The following MAP4K4 variants were observed in gnomAD, a reference collection of about 807,000 sequenced individuals.
The protein encoded by MAP4K4 is mitogen-activated protein kinase kinase kinase kinase 4, also known as HPK/GCK-like kinase HGK.
Under a neutral mutation model 189.6 loss-of-function variants are expected in MAP4K4, and 38 were observed. That is an observed-to-expected ratio of 0.20 (90% CI 0.15 to 0.26). The LOEUF is 0.26. Among genes scored for constraint, MAP4K4 ranks in the 10% least tolerant of loss-of-function variants. MAP4K4 has a pLI of 1.00. For missense variants in MAP4K4, 1,054 were observed against 1,726.9 expected (o/e 0.61, Z 6.91); for synonymous variants, 610 against 624.3 (o/e 0.98, Z 0.34).
rs189340564 is a variant in MAP4K4, at chr2:101,888,358, T to C, written c.3931+421T>C. ...CTACAAACAGCCTTGTGCATACTTT[T>C]CTAGTTTGCATTCAGTAATAAAGAC... is the stretch of plus-strand genomic sequence containing the variant. On this transcript the variant is annotated intron_variant, in intron 31 of 32. Coordinates refer to ENST00000324219, the Ensembl canonical transcript of MAP4K4. Among the ~76,000 whole-genome samples the C allele has an allele frequency of 1.3e-4, 20 of 152,338 alleles. No individual in the cohort carries two copies. The East Asian group carries it at 3.9e-3, about 29-fold the overall frequency.
At chr2:101,718,303 C>G (rs949851117) in intron 2 of MAP4K4, among the ~76,000 whole-genome samples, 2 of 151,820 alleles carry the variant, frequency 1.3e-5, no homozygotes, top group African/African-American at 4.8e-5. Context: ...GGTCCACCAT[C>G]TCCTTTATGT....
chr2:101,831,924 A>C (rs2149430502), intron 7 of MAP4K4, 73 bp downstream of exon 7: 1 of 1,534,330 alleles, frequency 6.5e-7, no homozygotes, highest in East Asian at 2.3e-5. Context: ...TTGCTTATAA[A>C]TTGCACACCC....
chr2:101,798,482 C>A (rs947800479), intron 3 of MAP4K4, among the ~76,000 whole-genome samples: 1 of 152,162 alleles, frequency 6.6e-6, no homozygotes, highest in Non-Finnish European at 1.5e-5. Flanking sequence ...TGATGTTTTA[C>A]ATTTTTCATG....
chr2:101,742,330 A>G (rs1403517360), intron 2 of MAP4K4, among the ~76,000 whole-genome samples: 3 of 152,030 alleles, frequency 2.0e-5, no homozygotes, highest in African/African-American at 4.8e-5. Context: ...CTCATTGGTA[A>G]CCTACGGTGT....
Position 101,823,898 on chromosome 2 carries a change from C to A in MAP4K4, c.181-30C>A, listed in dbSNP as rs746570740. ...TAAAGTCATTCACATCGTTCAGTAG[C>A]CACACATTTTATTTTTATTTTTTCA... On this transcript the variant is annotated intron_variant, in intron 3 of 32. Coordinates refer to ENST00000324219, the Ensembl canonical transcript of MAP4K4. The A allele has an allele frequency of 5.1e-6, 8 of 1,566,502 alleles. No homozygotes were observed. The African/African-American group carries it at 6.8e-5, about 13-fold the overall frequency.
chr2:101,843,395 T>C (rs1290680112), intron 11 of MAP4K4, among the ~76,000 whole-genome samples: 2 of 152,188 alleles, frequency 1.3e-5, no homozygotes, highest in Non-Finnish European at 2.9e-5. Flanking sequence ...TTTCTTCTTA[T>C]GTAGGAGAGA....
chr2:101,751,939 T>C (rs1009906289), intron 2 of MAP4K4, among the ~76,000 whole-genome samples: 24 of 152,214 alleles, frequency 1.6e-4, no homozygotes, highest in African/African-American at 5.5e-4. Flanking sequence ...TGGGGAGGTG[T>C]CAGCTGTCAT....
chr2:101,710,197 G>T (rs1364707705), intron 2 of MAP4K4, among the ~76,000 whole-genome samples: 1 of 152,220 alleles, frequency 6.6e-6, no homozygotes, highest in African/African-American at 2.4e-5. Context: ...GGTTGAGTGT[G>T]TACATTTAAG....
chr2:101,840,416 C>T (rs1003002447), intron 10 of MAP4K4, among the ~76,000 whole-genome samples: 1 of 152,190 alleles, frequency 6.6e-6, no homozygotes, highest in Non-Finnish European at 1.5e-5. Context: ...TACTCTATTA[C>T]AAGCGGTGTG....
chr2:101,792,584 A>ACCTTCT (rs1156254777), intron 3 of MAP4K4, among the ~76,000 whole-genome samples: 2 of 135,408 alleles, frequency 1.5e-5, no homozygotes, highest in African/African-American at 6.5e-5. Context: ...ACTTACTGCC[A>ACCTTCT]CCTTCTCCTC....
chr2:101,760,323 T>C (rs1019120158), intron 2 of MAP4K4, among the ~76,000 whole-genome samples: 1 of 151,818 alleles, frequency 6.6e-6, no homozygotes, highest in African/African-American at 2.4e-5. Flanking sequence ...ACCCTGTCTC[T>C]ACTAAAAATA....
At chr2:101,724,674 A>T (rs772421532) in intron 2 of MAP4K4, among the ~76,000 whole-genome samples, 2 of 152,220 alleles carry the variant, frequency 1.3e-5, no homozygotes, top group Non-Finnish European at 2.9e-5. Flanking sequence ...AACTTAAGGA[A>T]TATGTAGTTC....
intron 2 of MAP4K4, among the ~76,000 whole-genome samples, chr2:101,735,245 G>A (rs1391234813): frequency 6.6e-6 from 1 of 152,132 alleles, no homozygotes; most frequent in East Asian, 1.9e-4. Flanking sequence ...GAAAGGGGGT[G>A]TAGAAAGTAT....
At chr2:101,760,741 C>T (rs1185474597) in intron 2 of MAP4K4, among the ~76,000 whole-genome samples, 3 of 152,052 alleles carry the variant, frequency 2.0e-5, no homozygotes, top group East Asian at 3.9e-4. Flanking sequence ...CAGTGGCTCA[C>T]GCCTGTAATC....
At chr2:101,830,693 A>G (rs965942809) in intron 6 of MAP4K4, among the ~76,000 whole-genome samples, 2 of 152,128 alleles carry the variant, frequency 1.3e-5, no homozygotes, top group African/African-American at 4.8e-5. Context: ...CTCATACCAA[A>G]TGACTCAGTG....
chr2:101,879,369 CTT>C (rs2098314382), intron 27 of MAP4K4, among the ~76,000 whole-genome samples: 1 of 147,932 alleles, frequency 6.8e-6, no homozygotes, highest in Non-Finnish European at 1.5e-5. Flanking sequence ...ATAGAAGAAA[CTT>C]AGGAAGAATA....
intron 2 of MAP4K4, among the ~76,000 whole-genome samples, chr2:101,743,048 A>G (rs903836195): frequency 6.6e-6 from 1 of 152,162 alleles, no homozygotes. Flanking sequence ...ACTTGTCTTC[A>G]AGTTTTCTGC....
At chr2:101,735,123 A>G (rs1281208802) in intron 2 of MAP4K4, among the ~76,000 whole-genome samples, 2 of 152,172 alleles carry the variant, frequency 1.3e-5, no homozygotes, top group East Asian at 3.9e-4. Context: ...TAATATGCAA[A>G]TGTACAGTGT....
At chr2:101,865,103 T>A in intron 18 of MAP4K4, 67 bp downstream of exon 18, 1 of 969,162 alleles carries the variant, frequency 1.0e-6, no homozygotes, top group Non-Finnish European at 1.6e-6. Context: ...CATTGTCTGT[T>A]TCATAAAAAT....
Sources: allele counts gnomAD v4.1 joint callset (sites outside exome capture counted in the v4.1 genomes callset), GRCh38; gene constraint gnomAD v4.1.1; transcripts MANE v1.5; gene names NCBI Gene and HGNC (gene_info 2026-07-23, HGNC 2026-07-21).